Variants in TMEM245 observed in about 807,000 individuals in gnomAD.
TMEM245 encodes the protein protein CG-2.
In TMEM245, 69 loss-of-function variants were observed where a neutral mutation model predicts 101.2. That is an observed-to-expected ratio of 0.68 (90% confidence interval 0.56 to 0.83). The LOEUF (loss-of-function observed/expected upper bound fraction) is 0.83, where lower values mean the gene tolerates loss of function less well. Ranked by LOEUF, TMEM245 falls within the 40% of genes least tolerant of loss-of-function variation. The pLI, the probability that TMEM245 is intolerant of heterozygous loss-of-function variation, is 0.00. For synonymous variants in TMEM245, 537 were observed against 449.8 expected (o/e 1.19, Z -2.45); for missense variants, 1,075 against 1,092.8 (o/e 0.98, Z 0.23).
intron 8 of TMEM245, among the ~76,000 whole-genome samples, chr9:109,080,559 AC>A (rs905567326): frequency 1.3e-5 from 2 of 151,994 alleles, no homozygotes; most frequent in Non-Finnish European, 2.9e-5. Context: ...ACTAAAAAAA[AC>A]AAGCGCCACT....
chr9:109,087,285 C>T lies in TMEM245; in HGVS notation c.1208G>A (p.Arg403His), dbSNP rs1466114370. The T allele has an allele frequency of 5.0e-6, 8 of 1,613,394 alleles. No homozygotes were observed. The highest frequency in any genetic ancestry group is 2.2e-5 in the South Asian group (2 of 90,990). ...TATAATGCCCCACCACACATGGTAG[C>T]GTTTCTCTAGGAAATCCACAACTCC... is the stretch of plus-strand genomic sequence containing the variant. ...HFGVVDFLEK[R>H]YHVWWGIIES... Residue 403 changes from arginine to histidine, a missense_variant, in exon 6 of 18, where the codon CGC (arginine) becomes CAC (histidine). This residue lies in a region of TMEM245 where 808 missense variants were observed against 741.5 expected (regional missense o/e 1.09). Transcript: ENST00000374586.
At chr9:109,095,541 G>A (rs1447854066) in intron 3 of TMEM245, among the ~76,000 whole-genome samples, 1 of 152,172 alleles carries the variant, frequency 6.6e-6, no homozygotes, top group Middle Eastern at 3.2e-3. Flanking sequence ...AAATAAACAA[G>A]GCTGGAGAGG....
intron 9 of TMEM245, among the ~76,000 whole-genome samples, chr9:109,067,779 C>A (rs150194110): frequency 6.6e-6 from 1 of 152,118 alleles, no homozygotes; most frequent in Non-Finnish European, 1.5e-5. Context: ...CACCAGCTTA[C>A]GAGGCACATC....
chr9:109,115,515 C>A (rs1363519857), intron 1 of TMEM245, among the ~76,000 whole-genome samples: 1 of 137,122 alleles, frequency 7.3e-6, no homozygotes, highest in Admixed American at 7.5e-5. Context: ...TTCCTAGTAA[C>A]TGGAATCTTT....
At chr9:109,075,993 A>C (rs368175247) in intron 8 of TMEM245, among the ~76,000 whole-genome samples, 1 of 152,210 alleles carries the variant, frequency 6.6e-6, no homozygotes, top group African/African-American at 2.4e-5. Flanking sequence ...TTCCAACAAG[A>C]CACTGCTTCA....
chr9:109,119,231 T>C, intron 1 of TMEM245, 104 bp downstream of exon 1: 1 of 1,088,134 alleles, frequency 9.2e-7, no homozygotes, highest in Non-Finnish European at 1.3e-6. Flanking sequence ...GCAGCACAGG[T>C]GTGGCCCCTC....
chr9:109,041,613 T>C (rs902288999), intron 14 of TMEM245, among the ~76,000 whole-genome samples: 1 of 151,252 alleles, frequency 6.6e-6, no homozygotes, highest in South Asian at 2.1e-4. Context: ...GGTCAAAGGG[T>C]ACAAAGTTTC....
intron 15 of TMEM245, among the ~76,000 whole-genome samples, chr9:109,037,546 C>T (rs1238637343): frequency 1.3e-5 from 2 of 152,090 alleles, no homozygotes; most frequent in Non-Finnish European, 2.9e-5. Flanking sequence ...AATGAGTTAT[C>T]GTGAGATCTG....
At chr9:109,084,872 A>T (rs779975988) in intron 7 of TMEM245, among the ~76,000 whole-genome samples, 28 of 152,196 alleles carry the variant, frequency 1.8e-4, no homozygotes, top group Non-Finnish European at 4.0e-4. Context: ...CTTCCTTTCA[A>T]CTCAACTTTA....
At chr9:109,020,864 T>C (rs1396361775) in intron 17 of TMEM245, among the ~76,000 whole-genome samples, 1 of 152,208 alleles carries the variant, frequency 6.6e-6, no homozygotes, top group South Asian at 2.1e-4. Context: ...GAAGTGGATA[T>C]GATGATTGAT....
At chr9:109,073,591 A>T (rs1187061397) in intron 8 of TMEM245, among the ~76,000 whole-genome samples, 153 bp from the exon 9 acceptor site, 1 of 152,262 alleles carries the variant, frequency 6.6e-6, no homozygotes, top group Non-Finnish European at 1.5e-5. Flanking sequence ...GCGCAAAGTT[A>T]CTATACATTA....
chr9:109,090,642 T>A (rs1829971923), intron 5 of TMEM245, among the ~76,000 whole-genome samples: 1 of 150,726 alleles, frequency 6.6e-6, no homozygotes, highest in African/African-American at 2.4e-5. Context: ...GAGAATGGCA[T>A]GAACCTGGGA....
intron 6 of TMEM245, among the ~76,000 whole-genome samples, 161 bp downstream of exon 6, chr9:109,087,012 T>C (rs77035804): frequency 4.6e-5 from 7 of 152,198 alleles, no homozygotes; most frequent in Non-Finnish European, 7.3e-5. Flanking sequence ...ACCCATCTTA[T>C]CCTTGTGTAA....
chr9:109,057,681 G>A (rs1280594467), intron 11 of TMEM245, among the ~76,000 whole-genome samples: 1 of 152,074 alleles, frequency 6.6e-6, no homozygotes, highest in Non-Finnish European at 1.5e-5. Context: ...AATCCAGGAG[G>A]CGGAGGTTGC....
At chr9:109,023,836 CAAAAAAAA>C (rs139227712) in intron 17 of TMEM245, among the ~76,000 whole-genome samples, 13 of 82,806 alleles carry the variant, frequency 1.6e-4, no homozygotes, top group Admixed American at 1.4e-3. Flanking sequence ...ACTCTGTTTC[CAAAAAAAA>C]AAAAAAAAAG....
chr9:109,036,110 T>C, intron 16 of TMEM245, 96 bp downstream of exon 16: 1 of 1,048,338 alleles, frequency 9.5e-7, no homozygotes, highest in Non-Finnish European at 1.3e-6. Context: ...TACCAGTTCT[T>C]TTGTATACCC....
At chr9:109,030,743 T>C (rs1827921509) in intron 17 of TMEM245, among the ~76,000 whole-genome samples, 1 of 152,226 alleles carries the variant, frequency 6.6e-6, no homozygotes, top group Admixed American at 6.5e-5. Context: ...TTTATTCTTT[T>C]GGAAAAACTG....
intron 4 of TMEM245, 105 bp downstream of exon 4, chr9:109,093,370 C>G (rs1830058442): frequency 2.3e-6 from 2 of 876,686 alleles, no homozygotes; most frequent in East Asian, 4.9e-5. Context: ...AATGAAGGAT[C>G]AGCAGGAGTA....
chr9:109,020,333 A>T lies in TMEM245; in HGVS notation c.*127T>A. On this transcript the variant is annotated 3_prime_UTR_variant, in exon 18 of 18. Transcript: ENST00000374586. ...GTCCAGGCATTCTGTATGTAAGGCC[A>T]GGAGGCTTCTGCTTCTTTCCTGGGT... The T allele has an allele frequency of 1.1e-6, 1 of 889,710 alleles. No individual in the cohort carries two copies. Among genetic ancestry groups the T allele is most frequent in the Non-Finnish European group, 1.9e-6 (1 of 520,646 alleles). 55.1% of individuals were successfully genotyped at this position (889,710 alleles called of 1,614,324 possible).
Sources: allele counts gnomAD v4.1 joint callset (sites outside exome capture counted in the v4.1 genomes callset), GRCh38; gene constraint gnomAD v4.1.1; regional missense constraint gnomAD v4.1.1; transcripts MANE v1.5; gene names NCBI Gene and HGNC (gene_info 2026-07-23, HGNC 2026-07-21).